The following CSMD1 variants were observed in gnomAD, a reference collection of about 807,000 sequenced individuals.
The protein encoded by CSMD1 is CUB and Sushi multiple domains 1.
A neutral mutation model predicts 417.5 loss-of-function variants in CSMD1; 213 were observed. The ratio of observed to expected loss-of-function variants is 0.51; its 90% CI spans 0.46 to 0.57. CSMD1 has a LOEUF of 0.57. Among genes scored for constraint, CSMD1 ranks in the 20% least tolerant of loss-of-function variants. The pLI, the probability that CSMD1 is intolerant of heterozygous loss-of-function variation, is 0.00. For missense variants in CSMD1, 6,923 were observed against 4,529.7 expected (o/e 1.53, Z -15.17); for synonymous variants, 2,862 against 1,736.8 (o/e 1.65, Z -16.11).
rs938175868 is a variant in CSMD1 at position 3,422,812 on chromosome 8, G to A, written c.1562-13207C>T. On this transcript the variant is annotated intron_variant, in intron 12 of 69. Transcript: ENST00000635120. ...AAGAGGCTAGGAAGATCAAGATAAAGGCACTGGGAAGGTTGGTGTCTGATG... is the reference window on the plus strand; with the variant it reads ...AAGAGGCTAGGAAGATCAAGATAAAAGCACTGGGAAGGTTGGTGTCTGATG... Among the ~76,000 whole-genome samples, 3 of 152,260 alleles carry A rather than the reference G, an allele frequency of 2.0e-5. 1 individual carries two copies. The highest frequency in any genetic ancestry group is 2.0e-4 in the Admixed American group (3 of 15,282).
intron 5 of CSMD1, among the ~76,000 whole-genome samples, chr8:3,852,207 G>T (rs1421961506): frequency 2.6e-5 from 4 of 152,092 alleles, no homozygotes; most frequent in Admixed American, 6.5e-5. Flanking sequence ...TAAATTCAAG[G>T]ACTGGGAATG....
chr8:3,628,327 C>T (rs1360881662), intron 7 of CSMD1, among the ~76,000 whole-genome samples: 1 of 152,156 alleles, frequency 6.6e-6, no homozygotes, highest in African/African-American at 2.4e-5. Flanking sequence ...TGGAACCATC[C>T]TGCCTGCCCA....
chr8:3,214,777 G>C, intron 29 of CSMD1, 86 bp from the exon 30 acceptor site: 1 of 1,052,198 alleles, frequency 9.5e-7, no homozygotes, highest in Non-Finnish European at 1.4e-6. Flanking sequence ...TTCTTTAATT[G>C]TGTTATTTAG....
At chr8:4,009,646 A>G (rs1242273582) in intron 4 of CSMD1, among the ~76,000 whole-genome samples, 1 of 152,200 alleles carries the variant, frequency 6.6e-6, no homozygotes, top group Non-Finnish European at 1.5e-5. Flanking sequence ...ATACACCCAC[A>G]TATGTAATAT....
intron 50 of CSMD1, among the ~76,000 whole-genome samples, chr8:3,041,005 T>A (rs192358678): frequency 8.7e-4 from 133 of 152,314 alleles, no homozygotes; most frequent in African/African-American, 3.1e-3. Flanking sequence ...CTGCCTAATA[T>A]TGCAAAGCAT....
At chr8:4,984,721 T>A (rs1811081273) in intron 1 of CSMD1, among the ~76,000 whole-genome samples, 1 of 152,166 alleles carries the variant, frequency 6.6e-6, no homozygotes, top group Admixed American at 6.5e-5. Context: ...ACCACTTCTA[T>A]GTGGGTAGAA....
In CSMD1 at chr8:3,946,394, A is replaced by G. The variant is rs78616235; in HGVS notation, c.818+51509T>C. On this transcript the variant is annotated intron_variant, in intron 5 of 69. Coordinates refer to ENST00000635120, the MANE Select transcript of CSMD1 (RefSeq NM_033225.6). ...GGCCTGTCTCTGGATTTTCTCGTCT[A>G]TACCATTGAGCAATCCCGCATCACC... 5.3e-4 allele frequency among the ~76,000 whole-genome samples: 81 copies of G among 152,272 alleles called. 4 individuals are homozygous for G. In the East Asian group the frequency reaches 0.015, roughly 28 times the overall value.
chr8:3,478,620 T>C (rs1817559644), intron 11 of CSMD1, among the ~76,000 whole-genome samples: 1 of 152,098 alleles, frequency 6.6e-6, no homozygotes, highest in Admixed American at 6.6e-5. Flanking sequence ...CTTGCTGTTT[T>C]CCACCCCTGA....
intron 2 of CSMD1, among the ~76,000 whole-genome samples, chr8:4,436,844 G>C (rs1276328462): frequency 2.0e-5 from 3 of 152,128 alleles, no homozygotes; most frequent in African/African-American, 4.8e-5. Flanking sequence ...GCAAATGAGT[G>C]AATCTCATCC....
Position 4,960,281 on chromosome 8 carries a change from G to A in CSMD1, c.85+34051C>T, listed in dbSNP as rs564783316. Among the ~76,000 whole-genome samples the A allele has an allele frequency of 2.0e-5, 3 of 152,254 alleles. No homozygotes were observed. In the South Asian group the frequency reaches 6.2e-4, roughly 32 times the overall value. ...AAAAGATAAACTATACATAACATTT[G>A]TTTAATTTTGCAACGCCCCTGATAT... is the stretch of plus-strand genomic sequence containing the variant. On this transcript the variant is annotated intron_variant, in intron 1 of 69. Coordinates refer to ENST00000635120, the MANE Select transcript of CSMD1 (RefSeq NM_033225.6).
At chr8:3,465,248 C>G (rs535597476) in intron 12 of CSMD1, among the ~76,000 whole-genome samples, 72 of 152,262 alleles carry the variant, frequency 4.7e-4, no homozygotes, top group African/African-American at 1.7e-3. Context: ...GTTTTCATTT[C>G]TCCACCCTAC....
At chr8:3,273,269 C>G (rs536077991) in intron 26 of CSMD1, among the ~76,000 whole-genome samples, 79 of 151,784 alleles carry the variant, frequency 5.2e-4, no homozygotes, top group Non-Finnish European at 8.2e-4. Context: ...GCCTTGCATC[C>G]CAGGGATGAA....
At chr8:3,943,030 G>T (rs1194380325) in intron 5 of CSMD1, among the ~76,000 whole-genome samples, 1 of 151,942 alleles carries the variant, frequency 6.6e-6, no homozygotes. Flanking sequence ...TTGTTACTCA[G>T]GAAAATCCTG....
chr8:4,256,317 G>T (rs1044085699), intron 3 of CSMD1, among the ~76,000 whole-genome samples: 2 of 152,162 alleles, frequency 1.3e-5, no homozygotes, highest in African/African-American at 4.8e-5. Context: ...CAATTTTGCA[G>T]AAAGACCAGC....
At chr8:4,164,260 TA>T (rs1294660914) in intron 3 of CSMD1, among the ~76,000 whole-genome samples, 1 of 152,128 alleles carries the variant, frequency 6.6e-6, no homozygotes, top group Non-Finnish European at 1.5e-5. Flanking sequence ...AAAATGATGT[TA>T]AAAAAGATTA....
At chr8:3,656,313 C>G (rs892715265) in intron 7 of CSMD1, among the ~76,000 whole-genome samples, 3 of 152,140 alleles carry the variant, frequency 2.0e-5, no homozygotes, top group African/African-American at 4.8e-5. Context: ...AAGCTTAGGG[C>G]GAAAGGTATA....
At chr8:4,033,300 G>A (rs62502689) in intron 3 of CSMD1, among the ~76,000 whole-genome samples, 13,850 of 151,970 alleles carry the variant, frequency 0.091, 832 homozygotes, top group Non-Finnish European at 0.13. Flanking sequence ...AAATTAGCCG[G>A]GCGTGGTGGC....
intron 15 of CSMD1, among the ~76,000 whole-genome samples, chr8:3,405,780 G>A (rs1313284098): frequency 6.6e-6 from 1 of 152,110 alleles, no homozygotes; most frequent in East Asian, 1.9e-4. Context: ...CCAGGAGCTG[G>A]AGGACCAGCC....
At chr8:3,292,762 G>A (rs1416774676) in intron 25 of CSMD1, among the ~76,000 whole-genome samples, 1 of 152,036 alleles carries the variant, frequency 6.6e-6, no homozygotes, top group Non-Finnish European at 1.5e-5. Context: ...CACACTGATG[G>A]GTCTTGACTT....
Sources: allele counts gnomAD v4.1 joint callset (sites outside exome capture counted in the v4.1 genomes callset), GRCh38; gene constraint gnomAD v4.1.1; transcripts MANE v1.5; gene names NCBI Gene and HGNC (gene_info 2026-07-23, HGNC 2026-07-21).